RIC1: variants seen among roughly 807,000 people sequenced by gnomAD.
The protein encoded by RIC1 is guanine nucleotide exchange factor subunit RIC1.
A neutral mutation model predicts 169.0 loss-of-function variants in RIC1; 88 were observed. The observed-to-expected ratio is 0.52, with a 90% CI of 0.44 to 0.62. The LOEUF (loss-of-function observed/expected upper bound fraction) is 0.62. Among genes scored for constraint, RIC1 ranks in the 20% least tolerant of loss-of-function variants. The probability of loss-of-function intolerance (pLI) is 0.00; values close to 1 mark genes in which losing one functional copy is unlikely to be tolerated. For missense variants in RIC1, 1,877 were observed against 1,725.5 expected (o/e 1.09, Z -1.56); for synonymous variants, 790 against 601.5 (o/e 1.31, Z -4.59).
intron 2 of RIC1, among the ~76,000 whole-genome samples, chr9:5,677,391 T>A (rs1202913585): frequency 6.6e-6 from 1 of 152,216 alleles, no homozygotes; most frequent in Non-Finnish European, 1.5e-5. Context: ...TTTCTTGTTG[T>A]TAAGTTCATA....
intron 3 of RIC1, among the ~76,000 whole-genome samples, chr9:5,698,154 A>G (rs1267937131): frequency 6.6e-6 from 1 of 152,250 alleles, no homozygotes; most frequent in East Asian, 1.9e-4. Context: ...TCTCCTGCAC[A>G]GAAGAATTTG....
At chr9:5,701,073 C>G (rs923514081) in intron 3 of RIC1, among the ~76,000 whole-genome samples, 2 of 152,124 alleles carry the variant, frequency 1.3e-5, no homozygotes, top group African/African-American at 4.8e-5. Context: ...ATCACTATGA[C>G]TTAAGTTGGC....
chr9:5,666,509 G>T (rs972134291), intron 2 of RIC1, among the ~76,000 whole-genome samples: 1 of 152,044 alleles, frequency 6.6e-6, no homozygotes, highest in Admixed American at 6.5e-5. Context: ...TGAGTATAAT[G>T]TTGGCTTTAG....
At chr9:5,661,728 TGGGCTGAGGCAATG>T (rs1020673490) in intron 2 of RIC1, among the ~76,000 whole-genome samples, 10 of 152,228 alleles carry the variant, frequency 6.6e-5, no homozygotes, top group Non-Finnish European at 1.2e-4. Context: ...ACAAAGCTTT[TGGGCTGAGGCAATG>T]GGGTTTTCTA....
chr9:5,738,481 A>G lies in RIC1; in HGVS notation c.844A>G (p.Ser282Gly), dbSNP rs1824871086. ...TGTGCAGGTCTATACAATAGATAAC[A>G]GCACTGGAGCCATGCTGCTATCTCA... is the stretch of plus-strand genomic sequence containing the variant. ...GSVQVYTIDN[S>G]TGAMLLSHKL... Residue 282 changes from serine to glycine, a missense_variant, in exon 8 of 26, where the codon AGC (serine) becomes GGC (glycine). Transcript: ENST00000414202. 4 of 1,606,466 alleles carry G rather than the reference A, an allele frequency of 2.5e-6. No individual in the cohort carries two copies. In the African/African-American group the frequency reaches 4.0e-5, roughly 16 times the overall value.
rs1817591022 is a variant in RIC1 at position 5,629,132 on chromosome 9, T to TACCTTCGTCGCGCA, written c.-178_-177insACCTTCGTCGCGCA. 2 of 437,504 alleles carry TACCTTCGTCGCGCA rather than the reference T, an allele frequency of 4.6e-6. No homozygotes were observed. The highest frequency in any genetic ancestry group is 9.5e-5 in the Admixed American group (2 of 21,054). 27.1% of individuals were successfully genotyped at this position (437,504 alleles called of 1,614,324 possible). ...ACACTCGGCCCCGTCAGCTTGGGGG[T>TACCTTCGTCGCGCA]GCCTTCGTCGCGCAGCCTTGCGTCG... On this transcript the variant is annotated 5_prime_UTR_variant, in exon 1 of 26. Coordinates refer to ENST00000414202, the MANE Select transcript of RIC1 (RefSeq NM_020829.4).
intron 6 of RIC1, among the ~76,000 whole-genome samples, chr9:5,728,978 C>T (rs887951280): frequency 6.6e-6 from 1 of 152,052 alleles, no homozygotes; most frequent in Non-Finnish European, 1.5e-5. Flanking sequence ...ACTTGGGGGT[C>T]CTCCTACCTT....
chr9:5,732,209 A>C (rs968826513), intron 6 of RIC1, among the ~76,000 whole-genome samples, 179 bp from the exon 7 acceptor site: 4 of 152,142 alleles, frequency 2.6e-5, no homozygotes, highest in Non-Finnish European at 4.4e-5. Flanking sequence ...GTTTTAAGGG[A>C]GACTATTTGG....
At chr9:5,686,138 A>C (rs1307888716) in intron 2 of RIC1, among the ~76,000 whole-genome samples, 1 of 151,230 alleles carries the variant, frequency 6.6e-6, no homozygotes, top group Non-Finnish European at 1.5e-5. Flanking sequence ...CAGGTGCTGG[A>C]GAGGATGTGG....
In RIC1 at chr9:5,746,132, C is replaced by T. The variant is rs749302461; in HGVS notation, c.1248+49C>T. On this transcript the variant is annotated intron_variant, in intron 11 of 25. Coordinates refer to ENST00000414202, the MANE Select transcript of RIC1 (RefSeq NM_020829.4). The stretch of plus-strand genomic sequence containing the variant: ...TTTTTAGTGTCTTTTGTGTTAGAAG[C>T]TCAGACCCTTCTTTATGACATATGT... The T allele has an allele frequency of 8.7e-5, 127 of 1,465,142 alleles. No individual in the cohort carries two copies. The South Asian group carries it at 1.3e-3, about 15-fold the overall frequency. 90.8% of individuals were successfully genotyped at this position (1,465,142 alleles called of 1,614,324 possible). A position where few individuals can be genotyped will look rare whatever the true frequency, so the allele number is the denominator to read the frequency against.
At chr9:5,632,166 G>A (rs1204683367) in intron 1 of RIC1, among the ~76,000 whole-genome samples, 2 of 152,176 alleles carry the variant, frequency 1.3e-5, no homozygotes, top group East Asian at 1.9e-4. Context: ...CTGAAATTTT[G>A]TTAGGGCTCA....
chr9:5,726,620 C>T (rs1824006761), intron 6 of RIC1, among the ~76,000 whole-genome samples: 1 of 152,144 alleles, frequency 6.6e-6, no homozygotes, highest in Admixed American at 6.5e-5. Context: ...TTATTTTGCA[C>T]ATTAGTTGAT....
chr9:5,694,654 GC>G (rs1257163458), intron 3 of RIC1, among the ~76,000 whole-genome samples: 3 of 152,112 alleles, frequency 2.0e-5, no homozygotes, highest in Non-Finnish European at 4.4e-5. Flanking sequence ...TCCCTTATTG[GC>G]CACACTTCCA....
At chr9:5,707,315 G>A (rs1279586127) in intron 3 of RIC1, among the ~76,000 whole-genome samples, 1 of 152,038 alleles carries the variant, frequency 6.6e-6, no homozygotes, top group Admixed American at 6.6e-5. Context: ...CTGTCTTGGA[G>A]AATGTTCCAT....
intron 12 of RIC1, among the ~76,000 whole-genome samples, chr9:5,752,389 C>T (rs1359251843): frequency 4.6e-5 from 7 of 151,478 alleles, no homozygotes; most frequent in African/African-American, 1.7e-4. Flanking sequence ...ACCTAAGTAA[C>T]AGAGAATTTC....
At chr9:5,632,015 G>C (rs1817737772) in intron 1 of RIC1, among the ~76,000 whole-genome samples, 1 of 152,166 alleles carries the variant, frequency 6.6e-6, no homozygotes, top group South Asian at 2.1e-4. Flanking sequence ...TTTGATTTTT[G>C]AGAGGCTGTA....
chr9:5,643,200 T>G (rs1010945583), intron 1 of RIC1, among the ~76,000 whole-genome samples: 2 of 152,158 alleles, frequency 1.3e-5, no homozygotes, highest in African/African-American at 4.8e-5. Flanking sequence ...TCAGCTAATC[T>G]GGTGGCTGAG....
chr9:5,629,539 G>GAC, intron 1 of RIC1, 86 bp downstream of exon 1: 10 of 1,403,430 alleles, frequency 7.1e-6, no homozygotes, highest in Non-Finnish European at 5.7e-6. Flanking sequence ...CAGAGCCTAG[G>GAC]ACTCCTGCCC....
rs201693344 is a variant in RIC1 at position 5,680,978 on chromosome 9, T to C, written c.253-8981T>C. Among the ~76,000 whole-genome samples the C allele has an allele frequency of 5.1e-3, 768 of 150,226 alleles. 1 individual carries two copies. The highest frequency in any genetic ancestry group is 8.4e-3 in the Non-Finnish European group (567 of 67,364). On this transcript the variant is annotated intron_variant, in intron 2 of 25. Coordinates refer to ENST00000414202, the MANE Select transcript of RIC1 (RefSeq NM_020829.4). ...AGTAGCTGGGACTACAGGCGCCCGC[T>C]ACCACGCCCGGCTAATTTTTTGTAT...
Sources: allele counts gnomAD v4.1 joint callset (sites outside exome capture counted in the v4.1 genomes callset), GRCh38; gene constraint gnomAD v4.1.1; transcripts MANE v1.5; gene names NCBI Gene and HGNC (gene_info 2026-07-23, HGNC 2026-07-21).